ADAMTSL1: variants seen among roughly 807,000 people sequenced by gnomAD.
The protein encoded by ADAMTSL1 is ADAMTS-like protein 1.
In ADAMTSL1, 126 loss-of-function variants were observed where a neutral mutation model predicts 201.8. That is an observed-to-expected ratio of 0.62 (90% CI 0.54 to 0.72). The LOEUF (loss-of-function observed/expected upper bound fraction) is 0.72. Among genes scored for constraint, ADAMTSL1 ranks in the 30% least tolerant of loss-of-function variants. The pLI is 0.00. For missense variants in ADAMTSL1, 2,679 were observed against 2,277.8 expected (o/e 1.18, Z -3.59); for synonymous variants, 1,121 against 903.4 (o/e 1.24, Z -4.32).
intron 2 of ADAMTSL1, among the ~76,000 whole-genome samples, chr9:18,229,742 C>A (rs893299042): frequency 2.0e-5 from 3 of 151,718 alleles, no homozygotes; most frequent in Admixed American, 6.6e-5. Context: ...GTTGCCCAGG[C>A]TGGAGTGCAA....
intron 1 of ADAMTSL1, among the ~76,000 whole-genome samples, chr9:18,498,488 C>G (rs112049521): frequency 0.039 from 6,004 of 152,152 alleles, 382 homozygotes; most frequent in African/African-American, 0.14. Flanking sequence ...AGGCAAGCGT[C>G]ACCATGCCTG....
intron 2 of ADAMTSL1, among the ~76,000 whole-genome samples, chr9:18,254,841 GTTAAAC>G (rs940057652): frequency 3.3e-5 from 5 of 152,020 alleles, no homozygotes; most frequent in Non-Finnish European, 5.9e-5. Context: ...AATTTACTTT[GTTAAAC>G]TTAAATCTGA....
chr9:18,404,924 G>T (rs1018526092), intron 2 of ADAMTSL1, among the ~76,000 whole-genome samples: 3 of 152,040 alleles, frequency 2.0e-5, no homozygotes, highest in Non-Finnish European at 4.4e-5. Flanking sequence ...CAGCTTCTTT[G>T]GTTCATCTCT....
intron 1 of ADAMTSL1, among the ~76,000 whole-genome samples, chr9:18,033,063 C>T (rs763869991): frequency 6.6e-6 from 1 of 152,160 alleles, no homozygotes; most frequent in Non-Finnish European, 1.5e-5. Context: ...CATCTTGTCC[C>T]TTCCCAATCT....
At chr9:18,871,110 A>C (rs1827848924) in intron 23 of ADAMTSL1, among the ~76,000 whole-genome samples, 2 of 152,200 alleles carry the variant, frequency 1.3e-5, no homozygotes, top group African/African-American at 4.8e-5. Flanking sequence ...GATTATACAA[A>C]ATGCTTTAAT....
intron 2 of ADAMTSL1, among the ~76,000 whole-genome samples, chr9:18,452,588 C>T (rs1206960166): frequency 1.3e-5 from 2 of 152,170 alleles, no homozygotes; most frequent in Non-Finnish European, 2.9e-5. Flanking sequence ...TTTCTAGCTA[C>T]AAGCCTATTA....
chr9:18,561,256 A>G (rs957669240), intron 3 of ADAMTSL1, among the ~76,000 whole-genome samples: 1 of 152,162 alleles, frequency 6.6e-6, no homozygotes, highest in Non-Finnish European at 1.5e-5. Context: ...GGTTTCAAAG[A>G]ACTTATTTAT....
chr9:18,825,036 G>C (rs1261201796), intron 21 of ADAMTSL1, among the ~76,000 whole-genome samples: 2 of 152,146 alleles, frequency 1.3e-5, no homozygotes, highest in Non-Finnish European at 1.5e-5. Flanking sequence ...ACATGCCAGT[G>C]AGTTCTATAA....
intron 4 of ADAMTSL1, among the ~76,000 whole-genome samples, chr9:18,620,909 G>C (rs34630583): frequency 0.062 from 9,398 of 152,184 alleles, 389 homozygotes; most frequent in Non-Finnish European, 0.093. Flanking sequence ...TTTAAAAATA[G>C]AGTACATATA....
rs1828680285 is a variant in ADAMTSL1, at chr9:18,185,196, T to A, written c.207+21215T>A. On this transcript the variant is annotated intron_variant, in intron 2 of 29. Coordinates refer to the ADAMTSL1 transcript ENST00000680146. ...CTGTGACTGCTTCTAACCAATAGAA[T>A]ATGGCAAAGACGACAGGATATTATT... Among the ~76,000 whole-genome samples, 7 of 152,222 alleles carry A rather than the reference T, an allele frequency of 4.6e-5. No homozygotes were observed. The South Asian group carries it at 1.2e-3, about 27-fold the overall frequency.
intron 23 of ADAMTSL1, among the ~76,000 whole-genome samples, chr9:18,830,331 C>T (rs1824895694): frequency 6.6e-6 from 1 of 152,206 alleles, no homozygotes; most frequent in Admixed American, 6.5e-5. Context: ...TCTTGCTAAC[C>T]ATTCCCCAGT....
chr9:18,369,384 A>G (rs1027823747), intron 2 of ADAMTSL1, among the ~76,000 whole-genome samples: 1 of 152,198 alleles, frequency 6.6e-6, no homozygotes. Context: ...AAAGTGTTCA[A>G]TATCACTAAT....
At chr9:18,499,671 A>G (rs1822729917) in intron 1 of ADAMTSL1, among the ~76,000 whole-genome samples, 2 of 152,190 alleles carry the variant, frequency 1.3e-5, no homozygotes, top group Admixed American at 6.5e-5. Context: ...CTTAAGCTAA[A>G]TGCTGTCTGT....
Position 18,688,050 on chromosome 9 carries a change from G to T in ADAMTSL1, c.1574+3250G>T, listed in dbSNP as rs1188898077. Among the ~76,000 whole-genome samples the T allele has an allele frequency of 2.6e-5, 4 of 151,490 alleles. No individual in the cohort carries two copies. The South Asian group carries it at 8.3e-4, about 32-fold the overall frequency. On this transcript the variant is annotated intron_variant, in intron 13 of 28. Coordinates refer to ENST00000380548, the MANE Select transcript of ADAMTSL1 (RefSeq NM_001040272.6). The stretch of plus-strand genomic sequence containing the variant: ...TTTTCCCTCAACAACAGATTGGTTT[G>T]TTATGACACATCTGATTCATGTGGT...
intron 4 of ADAMTSL1, among the ~76,000 whole-genome samples, chr9:18,600,475 C>G (rs1824573528): frequency 6.6e-6 from 1 of 152,168 alleles, no homozygotes; most frequent in Non-Finnish European, 1.5e-5. Flanking sequence ...TAGAATTATA[C>G]TTCCCTCCTA....
chr9:18,318,722 AT>A (rs796368281), intron 2 of ADAMTSL1, among the ~76,000 whole-genome samples: 294 of 147,402 alleles, frequency 2.0e-3, no homozygotes, highest in East Asian at 8.1e-3. Context: ...CTCGTAGCTA[AT>A]TTTTTTTTTT....
At chr9:18,293,724 G>A (rs564864317) in intron 2 of ADAMTSL1, among the ~76,000 whole-genome samples, 2 of 152,266 alleles carry the variant, frequency 1.3e-5, no homozygotes, top group Non-Finnish European at 2.9e-5. Context: ...ATATAGGAAG[G>A]AAAATAACCT....
At chr9:18,643,035 T>C (rs1034367357) in intron 7 of ADAMTSL1, among the ~76,000 whole-genome samples, 2 of 152,084 alleles carry the variant, frequency 1.3e-5, no homozygotes, top group Non-Finnish European at 2.9e-5. Context: ...TGAATCAATT[T>C]ACATTCCCAC....
intron 2 of ADAMTSL1, among the ~76,000 whole-genome samples, chr9:18,255,172 T>C (rs938738298): frequency 1.3e-5 from 2 of 152,220 alleles, no homozygotes; most frequent in African/African-American, 2.4e-5. Context: ...GGTGTTTTAG[T>C]GTCCTGGCTG....
Sources: gnomAD v4.1 joint callset for allele counts (sites outside exome capture counted in the v4.1 genomes callset) on GRCh38, gnomAD v4.1.1 for gene constraint, MANE v1.5 for transcripts, NCBI Gene and HGNC (gene_info 2026-07-23, HGNC 2026-07-21) for gene names.